The following ZKSCAN1 variants were observed in gnomAD, a reference collection of about 807,000 sequenced individuals.
ZKSCAN1 encodes the protein zinc finger with KRAB and SCAN domains 1, also known as zinc finger protein with KRAB and SCAN domains 1.
In ZKSCAN1, 14 loss-of-function variants were observed where a neutral mutation model predicts 51.6. That is an observed-to-expected ratio of 0.27 (90% confidence interval 0.18 to 0.42). The LOEUF (loss-of-function observed/expected upper bound fraction) is 0.42, where lower values mean the gene tolerates loss of function less well. Ranked by LOEUF, ZKSCAN1 falls within the 10% of genes least tolerant of loss-of-function variation. ZKSCAN1 has a pLI of 1.00. For missense variants in ZKSCAN1, 531 were observed against 710.0 expected, an observed-to-expected ratio of 0.75 and a Z score of 2.86; for synonymous variants, 263 against 261.5, an observed-to-expected ratio of 1.01 and a Z score of -0.06.
intron 1 of ZKSCAN1, chr7:100,016,993 A>G (rs1362512626): frequency 6.6e-6 from 1 of 152,114 alleles, no homozygotes; most frequent in East Asian, 1.9e-4. Context: ...AGTTTTCACC[A>G]CTCTTAAAAT....
chr7:100,034,245 A>T lies in ZKSCAN1; in HGVS notation c.*48A>T. On this transcript the variant is annotated 3_prime_UTR_variant, in exon 6 of 6. Transcript: ENST00000324306. ...ATTTCCCCCTTTTGTTTCTAAAATT[A>T]TTTCAGAGATGTGTGCTCCTGGAGG... 6.7e-7 allele frequency: 1 copy of T among 1,499,668 alleles called. No individual in the cohort carries two copies. Among genetic ancestry groups the T allele is most frequent in the Non-Finnish European group, 8.8e-7 (1 of 1,133,016 alleles). The allele number at this position is 1,499,668 out of a possible 1,614,324, so 92.9% of individuals were successfully genotyped here.
At chr7:100,020,632 G>A (rs192325952) in intron 1 of ZKSCAN1, among the ~76,000 whole-genome samples, 139 of 152,206 alleles carry the variant, frequency 9.1e-4, no homozygotes, top group Middle Eastern at 3.4e-3. Flanking sequence ...CTCCAGCCTG[G>A]GCGATAGAGC....
chr7:100,033,533 G>C lies in ZKSCAN1; in HGVS notation c.1028G>C (p.Gly343Ala). Residue 343 changes from glycine to alanine, a missense_variant, in exon 6 of 6, where the codon GGA becomes GCA. Gly to Ala is a moderately conservative substitution (Grantham distance 60, BLOSUM62 0). This residue lies in a region of ZKSCAN1 where 403 missense variants were observed against 490.5 expected (regional missense o/e 0.82). Transcript: ENST00000324306. The surrounding 1 kb of genome is among the most constrained non-coding windows in gnomAD (Gnocchi z 4.1). ...GGAAAGGACAAAAAAACCATCACAGGAGAGAGAGGTCCAAGGGAGAAGGGG... is the reference window on the plus strand; with the variant it reads ...GGAAAGGACAAAAAAACCATCACAGCAGAGAGAGGTCCAAGGGAGAAGGGG... ...AIGKDKKTIT[G>A]ERGPREKGKG... The C allele has an allele frequency of 6.2e-7, 1 of 1,614,118 alleles. No homozygotes were observed. Among genetic ancestry groups the C allele is most frequent in the Non-Finnish European group, 8.5e-7 (1 of 1,180,012 alleles).
At chr7:100,043,771 A>ATTTTT (rs772298225), downstream of ZKSCAN1, among the ~76,000 whole-genome samples, 2 of 58,920 alleles carry the variant, frequency 3.4e-5, no homozygotes, top group Non-Finnish European at 6.0e-5. Context: ...TTCTTTCTTG[A>ATTTTT]TTTTTTTTTT....
intron 3 of ZKSCAN1, among the ~76,000 whole-genome samples, chr7:100,027,517 G>A (rs957286702): frequency 6.6e-6 from 1 of 151,536 alleles, no homozygotes; most frequent in African/African-American, 2.4e-5. Flanking sequence ...TTGGGAAGCC[G>A]AGGCAGGAGG....
rs1791274826 is a variant in ZKSCAN1, at chr7:100,034,731, A to G, written c.*534A>G. On this transcript the variant is annotated 3_prime_UTR_variant, in exon 6 of 6. Transcript: ENST00000324306. Reference sequence around the variant, plus strand: ...TTGTATATATGATCACTGGTAGCCTACCAAAGCTGTAGAAATCTAGGACTG... The same window carrying G: ...TTGTATATATGATCACTGGTAGCCTGCCAAAGCTGTAGAAATCTAGGACTG... 4.6e-6 allele frequency: 1 copy of G among 219,514 alleles called. No homozygotes were observed. The highest frequency in any genetic ancestry group is 1.6e-4 in the South Asian group (1 of 6,236). The allele number at this position is 219,514 out of a possible 1,614,324, so 13.6% of individuals were successfully genotyped here.
intron 5 of ZKSCAN1, among the ~76,000 whole-genome samples, chr7:100,030,709 C>T (rs1186238429): frequency 8.1e-5 from 1 of 12,384 alleles, no homozygotes; most frequent in Non-Finnish European, 1.5e-4. Context: ...GTGCCTCTGT[C>T]GGGGGAATAT....
intron 1 of ZKSCAN1, among the ~76,000 whole-genome samples, chr7:100,016,303 G>T (rs576956156): frequency 1.3e-5 from 2 of 152,128 alleles, no homozygotes; most frequent in Non-Finnish European, 2.9e-5. Context: ...ATAAATAGGT[G>T]ATTGGGATCT....
At chr7:100,024,420 C>A in intron 3 of ZKSCAN1, 113 bp downstream of exon 3, 1 of 1,322,866 alleles carries the variant, frequency 7.6e-7, no homozygotes, top group Non-Finnish European at 1.0e-6. Context: ...GTAGCGAGAC[C>A]CCATCTCTAC....
downstream of ZKSCAN1, among the ~76,000 whole-genome samples, chr7:100,043,438 G>A (rs540149644): frequency 6.6e-6 from 1 of 152,200 alleles, no homozygotes; most frequent in South Asian, 2.1e-4. Flanking sequence ...GGAGTGCAGT[G>A]GCACGATTGT....
chr7:100,024,679 CA>C (rs1447676508), intron 3 of ZKSCAN1: 1 of 171,386 alleles, frequency 5.8e-6, no homozygotes, highest in East Asian at 1.7e-4. Context: ...GCGGGCAGAT[CA>C]CTTGAGGTCA....
At position 100,029,902 on chromosome 7, in the gene ZKSCAN1, A is replaced by G. The variant is rs373587084; in HGVS notation, c.622A>G (p.Ser208Gly). The change falls in exon 4 of 6, where the codon AGT (serine) becomes GGT (glycine). Residue 208 changes from serine (S) to glycine (G), a missense_variant. Transcript: ENST00000324306. ...CATTCCTGCACCCCCTCATGAGGGT[A>G]GTCCCAGAGACCAGGCGATGGCATC... ...AHIPAPPHEG[S>G]PRDQAMASAL... 170 of 1,614,012 alleles carry G rather than the reference A, an allele frequency of 1.1e-4. No individual in the cohort carries two copies. Among genetic ancestry groups the G allele is most frequent in the Non-Finnish European group, 1.4e-4 (163 of 1,180,018 alleles).
Position 100,034,164 on chromosome 7 carries a change from T to C in ZKSCAN1, c.1659T>C (p.Asp553=). The change falls in exon 6 of 6, where the codon GAT becomes GAC. Residue 553 remains aspartate (D), a synonymous_variant. Transcript: ENST00000324306. ...CTGAGTACAGCCCAGCCTCCCTTGA[T>C]GCATTTGGCGCGTTCCTGAAAAGTT... ...RASEYSPASL[D]AFGAFLKSCV The C allele has an allele frequency of 6.5e-7, 1 of 1,530,660 alleles. No homozygotes were observed. The highest frequency in any genetic ancestry group is 8.7e-7 in the Non-Finnish European group (1 of 1,146,024). The allele number at this position is 1,530,660 out of a possible 1,614,324, so 94.8% of individuals were successfully genotyped here.
intron 1 of ZKSCAN1, among the ~76,000 whole-genome samples, chr7:100,022,071 T>C (rs1790613904): frequency 6.6e-6 from 1 of 152,160 alleles, no homozygotes; most frequent in Non-Finnish European, 1.5e-5. Flanking sequence ...GCTTGTCTCT[T>C]TTATGACAGA....
intron 3 of ZKSCAN1, among the ~76,000 whole-genome samples, chr7:100,028,374 T>C (rs1163210820): frequency 1.3e-5 from 2 of 148,542 alleles, no homozygotes; most frequent in Admixed American, 6.7e-5. Context: ...AGTACTTGGG[T>C]ACAGTGGCTC....
Position 100,041,083 on chromosome 7 carries a change from G to A in ZKSCAN1, c.*6886G>A. 1.1e-6 allele frequency: 1 copy of A among 943,608 alleles called. No individual in the cohort carries two copies. The highest frequency in any genetic ancestry group is 4.9e-5 in the South Asian group (1 of 20,380). The allele number at this position is 943,608 out of a possible 1,614,324, so 58.5% of individuals were successfully genotyped here. On this transcript the variant is annotated 3_prime_UTR_variant, in exon 6 of 6. Coordinates refer to ENST00000324306, the MANE Select transcript of ZKSCAN1 (RefSeq NM_003439.4). ...AGATTTTACAACGAGGTCAGCATAA[G>A]CCTAAATCTATATAGAGGGCTAACT...
chr7:100,040,144 C>A lies in ZKSCAN1; in HGVS notation c.*5947C>A. On this transcript the variant is annotated 3_prime_UTR_variant, in exon 6 of 6. Transcript: ENST00000324306. ...GTAAGCCATCTCCAACTCTGCAGGTCAAACGAAAGTTTGGGAAATACTTTT... is the reference window on the plus strand; with the variant it reads ...GTAAGCCATCTCCAACTCTGCAGGTAAAACGAAAGTTTGGGAAATACTTTT... 1 of 984,836 alleles carries A rather than the reference C, an allele frequency of 1.0e-6. No homozygotes were observed. The highest frequency in any genetic ancestry group is 4.7e-5 in the South Asian group (1 of 21,270). The allele number at this position is 984,836 out of a possible 1,614,324, so 61.0% of individuals were successfully genotyped here. A position where few individuals can be genotyped will look rare whatever the true frequency, so the allele number is the denominator to read the frequency against.
In ZKSCAN1 at chr7:100,023,968, G is replaced by A. The variant is rs149107333; in HGVS notation, c.426+36G>A. The A allele has an allele frequency of 5.5e-4, 837 of 1,534,682 alleles. 4 individuals carry two copies. The African/African-American group carries it at 9.0e-3, about 17-fold the overall frequency. ...GTGAAACCTATTATGTGTGAGCAGG[G>A]CACAGACGTTGAAACTGGAGCCAGG... On this transcript the variant is annotated intron_variant, in intron 2 of 5. Coordinates refer to ENST00000324306, the MANE Select transcript of ZKSCAN1 (RefSeq NM_003439.4).
chr7:100,045,259 AGGTGCGGTGCG>A (rs1278351715), downstream of ZKSCAN1, among the ~76,000 whole-genome samples: 1 of 151,506 alleles, frequency 6.6e-6, no homozygotes, highest in Non-Finnish European at 1.5e-5. Flanking sequence ...TTCAAAAAAT[AGGTGCGGTGCG>A]GGTGCGGTGG....
Sources: gnomAD v4.1 joint callset for allele counts (sites outside exome capture counted in the v4.1 genomes callset) on GRCh38, gnomAD v4.1.1 for gene constraint, gnomAD v4.1.1 regional missense constraint, Gnocchi (gnomAD v3.1) non-coding constraint, MANE v1.5 for transcripts, NCBI Gene and HGNC (gene_info 2026-07-23, HGNC 2026-07-21) for gene names.